BTD: variants seen among roughly 807,000 people sequenced by gnomAD.
BTD encodes the protein biotinidase.
Under a neutral mutation model 17.7 loss-of-function variants are expected in BTD, and 13 were observed. The observed-to-expected ratio is 0.74, with a 90% CI of 0.48 to 1.17. The LOEUF (loss-of-function observed/expected upper bound fraction) is 1.17, where lower values mean the gene tolerates loss of function less well. BTD is among the 50% of genes most tolerant of loss of function. BTD has a pLI of 0.00. For missense variants in BTD, 674 were observed against 650.4 expected (o/e 1.04, Z -0.39); for synonymous variants, 240 against 245.2 (o/e 0.98, Z 0.20).
intron 1 of BTD, among the ~76,000 whole-genome samples, chr3:15,617,841 C>G (rs1160035467): frequency 6.6e-6 from 1 of 152,180 alleles, no homozygotes; most frequent in Non-Finnish European, 1.5e-5. Flanking sequence ...ATCATGTTGT[C>G]TTGATTACTA....
At chr3:15,678,001 A>G (rs1399973516) in intron 3 of BTD, among the ~76,000 whole-genome samples, 1 of 152,178 alleles carries the variant, frequency 6.6e-6, no homozygotes, top group Non-Finnish European at 1.5e-5. Flanking sequence ...CCACTATGTT[A>G]TAAGGCCATG....
exon 4 of BTD, chr3:15,712,281 T>G: frequency 7.6e-7 from 1 of 1,322,330 alleles, no homozygotes; most frequent in African/African-American, 1.5e-5. Flanking sequence ...TACAATCAGT[T>G]AAATACATTA....
At chr3:15,606,042 CAAAAAA>C (rs11369757) in intron 1 of BTD, among the ~76,000 whole-genome samples, 8 of 64,952 alleles carry the variant, frequency 1.2e-4, no homozygotes, top group Admixed American at 3.5e-4. Context: ...GACCCTGTCT[CAAAAAA>C]AAAAAAAAAA....
chr3:15,694,211 A>G (rs956777082), intron 3 of BTD, among the ~76,000 whole-genome samples: 1 of 111,920 alleles, frequency 8.9e-6, no homozygotes, highest in Non-Finnish European at 2.3e-5. Flanking sequence ...AGTGATTGAC[A>G]CTGAAAAAAA....
At chr3:15,704,898 TAA>T (rs1194210746) in intron 3 of BTD, among the ~76,000 whole-genome samples, 2 of 152,144 alleles carry the variant, frequency 1.3e-5, no homozygotes, top group African/African-American at 2.4e-5. Context: ...TTTTGATACT[TAA>T]TAAAGATAGG....
At chr3:15,677,607 T>C in intron 3 of BTD, 1 of 1,422,682 alleles carries the variant, frequency 7.0e-7, no homozygotes, top group Non-Finnish European at 9.9e-7. Flanking sequence ...TGAACATGTT[T>C]CTTAGATTAC....
intron 1 of BTD, chr3:15,630,152 A>G (rs370081122): frequency 4.6e-6 from 4 of 864,020 alleles, no homozygotes; most frequent in East Asian, 1.2e-4. Flanking sequence ...TGAAACTCAA[A>G]TCTTGAAAGT....
intron 2 of BTD, 118 bp from the exon 3 acceptor site, chr3:15,641,790 T>C (rs1559596696): frequency 1.3e-6 from 1 of 779,042 alleles, no homozygotes; most frequent in Non-Finnish European, 2.2e-6. Flanking sequence ...GTGCCTCTGG[T>C]TCCTGCTACA....
chr3:15,688,385 G>T (rs1160827425), intron 3 of BTD, among the ~76,000 whole-genome samples: 1 of 152,148 alleles, frequency 6.6e-6, no homozygotes, highest in Non-Finnish European at 1.5e-5. Flanking sequence ...AGCCTCCCAA[G>T]TTAGGTGGGA....
chr3:15,646,645 G>T lies in BTD; in HGVS notation c.*1157G>T, dbSNP rs1048371378. ...ATTTAAAAAAGGATTTTGACTGCATGCCTAGTAGCTGTTTCAGATCATTTT... is the reference window on the plus strand; with the variant it reads ...ATTTAAAAAAGGATTTTGACTGCATTCCTAGTAGCTGTTTCAGATCATTTT... On this transcript the variant is annotated 3_prime_UTR_variant, in exon 4 of 4. Coordinates refer to ENST00000643237, the MANE Select transcript of BTD (RefSeq NM_001370658.1). 1 of 152,212 alleles carries T rather than the reference G, an allele frequency of 6.6e-6. No individual in the cohort carries two copies. The highest frequency in any genetic ancestry group is 2.4e-5 in the African/African-American group (1 of 41,452). 9.4% of individuals were successfully genotyped at this position (152,212 alleles called of 1,614,324 possible). A position where few individuals can be genotyped will look rare whatever the true frequency, so the allele number is the denominator to read the frequency against.
upstream of BTD, chr3:15,601,693 T>C (rs1269536829): frequency 6.4e-7 from 1 of 1,557,460 alleles, no homozygotes; most frequent in African/African-American, 1.4e-5. Context: ...CTGCGCTCTC[T>C]TCTCGGCTCC....
intron 3 of BTD, among the ~76,000 whole-genome samples, chr3:15,643,614 C>G (rs1229238086): frequency 6.6e-6 from 1 of 152,140 alleles, no homozygotes; most frequent in Admixed American, 6.5e-5. Context: ...TGAGATTGAG[C>G]ATCTTTTGAG....
At chr3:15,653,781 A>G (rs1559287329), downstream of BTD, among the ~76,000 whole-genome samples, 2 of 152,264 alleles carry the variant, frequency 1.3e-5, no homozygotes, top group South Asian at 4.1e-4. Context: ...TGATCCGACT[A>G]TGGATGTCTT....
chr3:15,652,948 G>C lies in BTD; in HGVS notation c.*7460G>C, dbSNP rs1005493579. On this transcript the variant is annotated 3_prime_UTR_variant, in exon 4 of 4. Transcript: ENST00000643237. ...ATAGAGGGAGAACAACAAAAAGAAGGGTCCATGCTGAACAAACTTGTTTGC... is the reference window on the plus strand; with the variant it reads ...ATAGAGGGAGAACAACAAAAAGAAGCGTCCATGCTGAACAAACTTGTTTGC... Among the ~76,000 whole-genome samples, 3 of 151,628 alleles carry C rather than the reference G, an allele frequency of 2.0e-5. No individual in the cohort carries two copies. Among genetic ancestry groups the C allele is most frequent in the Non-Finnish European group, 4.4e-5 (3 of 68,028 alleles).
chr3:15,696,297 C>T, intron 3 of BTD: 1 of 1,181,920 alleles, frequency 8.5e-7, no homozygotes, highest in East Asian at 2.6e-5. Context: ...GCATATTAAC[C>T]AATGATAAAA....
intron 3 of BTD, among the ~76,000 whole-genome samples, chr3:15,708,645 A>G (rs1384847870): frequency 6.6e-6 from 1 of 152,168 alleles, no homozygotes; most frequent in Admixed American, 6.5e-5. Flanking sequence ...ATAAAAGCAA[A>G]TTAGCTATAA....
intron 3 of BTD, among the ~76,000 whole-genome samples, chr3:15,661,094 C>T (rs1361058716): frequency 4.0e-5 from 6 of 151,452 alleles, no homozygotes; most frequent in East Asian, 1.9e-4. Context: ...GGTGAAACCC[C>T]GTCTCTACTA....
chr3:15,635,445 T>C lies in BTD; in HGVS notation c.6T>C (p.Ser2=). M[S]GARSKLALFL... is the part of the protein sequence containing the mutation. ...CCAGATTTGTGGTCTGCATTATGTC[T>C]GGAGCCAGAAGTAAGCTTGCTCTTT... The change falls in exon 2 of 4, where the codon TCT becomes TCC. Residue 2 remains serine, a synonymous_variant. Transcript: ENST00000643237. This position sits in a 1 kb window ranked among gnomAD's most constrained non-coding sequence, Gnocchi z 4.1. 6.2e-7 allele frequency: 1 copy of C among 1,614,262 alleles called. No homozygotes were observed. Among genetic ancestry groups the C allele is most frequent in the Non-Finnish European group, 8.5e-7 (1 of 1,180,046 alleles).
At chr3:15,690,721 T>G (rs2068675617) in intron 3 of BTD, among the ~76,000 whole-genome samples, 1 of 152,152 alleles carries the variant, frequency 6.6e-6, no homozygotes, top group Non-Finnish European at 1.5e-5. Flanking sequence ...CACGTCACCA[T>G]GCCCAGCTAA....
Sources: gnomAD v4.1 joint callset for allele counts (sites outside exome capture counted in the v4.1 genomes callset) on GRCh38, gnomAD v4.1.1 for gene constraint, Gnocchi (gnomAD v3.1) non-coding constraint, MANE v1.5 for transcripts, NCBI Gene and HGNC (gene_info 2026-07-23, HGNC 2026-07-21) for gene names.